Variants in SMCHD1 observed in about 807,000 individuals in gnomAD.
The protein encoded by SMCHD1 is structural maintenance of chromosomes flexible hinge domain-containing protein 1.
In SMCHD1, 78 loss-of-function variants were observed where a neutral mutation model predicts 254.7. That is an observed-to-expected ratio of 0.31 (90% CI 0.26 to 0.37). The LOEUF is 0.37. SMCHD1 is among the 10% of genes least tolerant of loss of function. The pLI is 1.00. For missense variants in SMCHD1, 1,840 were observed against 2,408.1 expected (o/e 0.76, Z 4.94); for synonymous variants, 766 against 794.9 (o/e 0.96, Z 0.61).
At chr18:2,762,602 C>T (rs540933142) in intron 36 of SMCHD1, among the ~76,000 whole-genome samples, 2 of 151,622 alleles carry the variant, frequency 1.3e-5, no homozygotes, top group South Asian at 2.1e-4. Context: ...ACCTCAGCCT[C>T]CTGAGTAGCT....
intron 41 of SMCHD1, among the ~76,000 whole-genome samples, chr18:2,775,127 G>A (rs2076047222): frequency 8.8e-6 from 1 of 113,880 alleles, no homozygotes; most frequent in African/African-American, 3.3e-5. Context: ...CTGTCAGACT[G>A]TAGTGCAGTG....
In SMCHD1 at chr18:2,673,361, T is replaced by C. The variant is rs773274249; in HGVS notation, c.505T>C (p.Leu169=). Reference sequence around the variant, plus strand: ...TGGGGTTAGAAGAATACAGATCAAATTGGTAAGGAAATAATACTGTAAAGC... The same window carrying C: ...TGGGGTTAGAAGAATACAGATCAAACTGGTAAGGAAATAATACTGTAAAGC... ...NIGVRRIQIK[L]LFDETQGKPA... The change falls in exon 4 of 48, where the codon TTG becomes CTG. Residue 169 remains leucine, a splice_region_variant and synonymous_variant. Coordinates refer to ENST00000320876, the MANE Select transcript of SMCHD1 (RefSeq NM_015295.3). 5 of 1,520,856 alleles carry C rather than the reference T, an allele frequency of 3.3e-6. No individual in the cohort carries two copies. The East Asian group carries it at 7.0e-5, about 21-fold the overall frequency. 94.2% of individuals were successfully genotyped at this position (1,520,856 alleles called of 1,614,324 possible). A position where few individuals can be genotyped will look rare whatever the true frequency, so the allele number is the denominator to read the frequency against.
At position 2,802,680 on chromosome 18, in the gene SMCHD1, A is replaced by G. The variant is rs2076386194; in HGVS notation, c.*128A>G. The stretch of plus-strand genomic sequence containing the variant: ...CTGGGGACAATACAAGTACCTGGGC[A>G]TGAATTTCCATTTCGATTCAGATGG... On this transcript the variant is annotated 3_prime_UTR_variant, in exon 48 of 48. Transcript: ENST00000320876. 2 of 736,822 alleles carry G rather than the reference A, an allele frequency of 2.7e-6. No homozygotes were observed. Among genetic ancestry groups the G allele is most frequent in the Admixed American group, 3.6e-5 (1 of 27,864 alleles). The allele number at this position is 736,822 out of a possible 1,614,324, so 45.6% of individuals were successfully genotyped here.
At chr18:2,778,018 C>T in intron 43 of SMCHD1, 103 bp downstream of exon 43, 1 of 1,011,084 alleles carries the variant, frequency 9.9e-7, no homozygotes, top group Non-Finnish European at 1.4e-6. Flanking sequence ...TTTTGCTTAT[C>T]AGTCATAGTT....
rs1018493031 is a variant in SMCHD1 at position 2,804,495 on chromosome 18, A to C, written c.*1943A>C. ...TCTAGCCCCAAGCCCATATCTGTAC[A>C]CTTTTGTTCATTTTATAATACCAGA... On this transcript the variant is annotated 3_prime_UTR_variant, in exon 48 of 48. Transcript: ENST00000320876. 2.0e-5 allele frequency: 3 copies of C among 152,088 alleles called. No individual in the cohort carries two copies. The highest frequency in any genetic ancestry group is 7.2e-5 in the African/African-American group (3 of 41,404). The allele number at this position is 152,088 out of a possible 1,614,324, so 9.4% of individuals were successfully genotyped here. A position where few individuals can be genotyped will look rare whatever the true frequency, so the allele number is the denominator to read the frequency against.
intron 1 of SMCHD1, among the ~76,000 whole-genome samples, chr18:2,663,388 A>G (rs1432798910): frequency 6.6e-6 from 1 of 152,086 alleles, no homozygotes; most frequent in East Asian, 1.9e-4. Flanking sequence ...CTGGGATTAC[A>G]GCTGTGAACC....
At chr18:2,781,676 A>G (rs2076159092) in intron 44 of SMCHD1, among the ~76,000 whole-genome samples, 1 of 152,220 alleles carries the variant, frequency 6.6e-6, no homozygotes, top group African/African-American at 2.4e-5. Flanking sequence ...GAATAAGTCA[A>G]CTTGAAAAAA....
At chr18:2,702,775 T>C (rs2074432761) in intron 12 of SMCHD1, among the ~76,000 whole-genome samples, 1 of 152,234 alleles carries the variant, frequency 6.6e-6, no homozygotes, top group Non-Finnish European at 1.5e-5. Flanking sequence ...ACAGCAAGCA[T>C]CAAAAACTTA....
At chr18:2,752,450 T>C (rs183244186) in intron 33 of SMCHD1, 38 bp from the exon 34 acceptor site, 134 of 1,439,624 alleles carry the variant, frequency 9.3e-5, no homozygotes, top group Non-Finnish European at 1.3e-4. Flanking sequence ...AATTTTGTCA[T>C]TTTCCCCTCT....
chr18:2,687,000 A>C lies in SMCHD1; in HGVS notation c.639-1394A>C, dbSNP rs535314597. Among the ~76,000 whole-genome samples the C allele has an allele frequency of 2.0e-4, 30 of 151,838 alleles. 1 individual carries two copies. The highest frequency in any genetic ancestry group is 1.6e-3 in the Admixed American group (25 of 15,258). ...TTTTCTTTTTAATATTTTAGACTTT[A>C]TATCTTCTCTGATCTTCTTTGAAGT... On this transcript the variant is annotated intron_variant, in intron 5 of 47. Transcript: ENST00000320876.
Position 2,707,812 on chromosome 18 carries a change from T to C in SMCHD1, c.2152T>C (p.Leu718=), listed in dbSNP as rs112500113. The part of the protein sequence containing the change: ...VRPAGTPIGA[L]RIEILNKKGE... ...TTTTAATTTTTGACTCATAGGTGCGTTAAGAATTGAAATACTGAATAAAAA... is the reference window on the plus strand; with the variant it reads ...TTTTAATTTTTGACTCATAGGTGCGCTAAGAATTGAAATACTGAATAAAAA... Residue 718 remains leucine, a synonymous_variant, in exon 17 of 48, where the codon TTA becomes CTA. Transcript: ENST00000320876. 6.4e-5 allele frequency: 102 copies of C among 1,601,802 alleles called. No individual in the cohort carries two copies. In the African/African-American group the frequency reaches 1.3e-3, roughly 20 times the overall value.
intron 5 of SMCHD1, among the ~76,000 whole-genome samples, chr18:2,680,095 T>G (rs2073890555): frequency 6.6e-6 from 1 of 151,990 alleles, no homozygotes; most frequent in Non-Finnish European, 1.5e-5. Flanking sequence ...TGAAATACAT[T>G]TCTTATACTT....
intron 3 of SMCHD1, among the ~76,000 whole-genome samples, chr18:2,672,806 T>A (rs1056177859): frequency 1.3e-5 from 2 of 152,194 alleles, no homozygotes; most frequent in Non-Finnish European, 2.9e-5. Context: ...GAATTCTATA[T>A]CCAAATTAGC....
chr18:2,719,069 T>G (rs1340037027), intron 19 of SMCHD1, among the ~76,000 whole-genome samples: 4 of 151,456 alleles, frequency 2.6e-5, no homozygotes, highest in Non-Finnish European at 5.9e-5. Flanking sequence ...TTCAATTGTA[T>G]GATTTAGCAT....
chr18:2,767,129 G>A (rs1395335132), intron 37 of SMCHD1, among the ~76,000 whole-genome samples: 3 of 151,794 alleles, frequency 2.0e-5, no homozygotes, highest in South Asian at 2.1e-4. Flanking sequence ...TGGTGACAAC[G>A]CACCTATAGC....
intron 30 of SMCHD1, among the ~76,000 whole-genome samples, chr18:2,749,329 T>G (rs2075527687): frequency 6.6e-6 from 1 of 152,348 alleles, no homozygotes; most frequent in Admixed American, 6.5e-5. Context: ...TTTTAGGATT[T>G]GGGAGAAAGT....
chr18:2,672,944 C>T (rs2073652383), intron 3 of SMCHD1: 7 of 378,186 alleles, frequency 1.9e-5, no homozygotes, highest in Non-Finnish European at 2.5e-5. Flanking sequence ...GATGTAATTA[C>T]ATACTGCAGA....
intron 47 of SMCHD1, among the ~76,000 whole-genome samples, chr18:2,802,206 G>A (rs1369303070): frequency 6.6e-6 from 1 of 151,942 alleles, no homozygotes; most frequent in Non-Finnish European, 1.5e-5. Flanking sequence ...AAAATAATAA[G>A]TTCATTTAAG....
intron 5 of SMCHD1, among the ~76,000 whole-genome samples, chr18:2,686,825 A>G (rs1302403652): frequency 1.3e-5 from 2 of 152,046 alleles, no homozygotes; most frequent in Admixed American, 6.5e-5. Flanking sequence ...TACCTGGTCA[A>G]TGTTGTCTTT....
Sources: gnomAD v4.1 joint callset for allele counts (sites outside exome capture counted in the v4.1 genomes callset) on GRCh38, gnomAD v4.1.1 for gene constraint, MANE v1.5 for transcripts, NCBI Gene and HGNC (gene_info 2026-07-23, HGNC 2026-07-21) for gene names.